Variants in C8orf34 observed in about 807,000 individuals in gnomAD.
C8orf34 encodes the protein chromosome 8 open reading frame 34, also known as uncharacterized protein C8orf34.
In C8orf34, 65 loss-of-function variants were observed where a neutral mutation model predicts 68.3. The observed-to-expected ratio is 0.95, with a 90% CI of 0.78 to 1.17. The LOEUF (loss-of-function observed/expected upper bound fraction) is 1.17. Among genes scored for constraint, C8orf34 ranks in the 50% most tolerant of loss-of-function variants. The pLI is 0.00. For synonymous variants in C8orf34, 244 were observed against 241.2 expected, an observed-to-expected ratio of 1.01 and a Z score of -0.11; for missense variants, 664 against 655.4, an observed-to-expected ratio of 1.01 and a Z score of -0.14.
At chr8:68,350,889 C>G (rs896642781) in intron 1 of C8orf34, among the ~76,000 whole-genome samples, 1 of 151,864 alleles carries the variant, frequency 6.6e-6, no homozygotes, top group African/African-American at 2.4e-5. Context: ...GACAGTATAC[C>G]GTTAGGTCTT....
intron 5 of C8orf34, among the ~76,000 whole-genome samples, chr8:68,510,395 T>C (rs893343876): frequency 5.3e-5 from 8 of 152,186 alleles, no homozygotes; most frequent in Non-Finnish European, 1.2e-4. Context: ...TCCCATCACC[T>C]GGCAGGATTT....
intron 3 of C8orf34, among the ~76,000 whole-genome samples, chr8:68,462,265 A>T (rs1343750081): frequency 1.3e-5 from 2 of 152,208 alleles, no homozygotes; most frequent in South Asian, 4.1e-4. Context: ...TATGCACCCA[A>T]TACAGGAACA....
chr8:68,411,792 G>T (rs187772199), intron 1 of C8orf34, among the ~76,000 whole-genome samples: 1 of 152,276 alleles, frequency 6.6e-6, no homozygotes, highest in Admixed American at 6.5e-5. Context: ...AAATTATACA[G>T]ATTTTTTTCT....
At chr8:68,720,005 A>G (rs1821624692) in intron 9 of C8orf34, among the ~76,000 whole-genome samples, 1 of 151,928 alleles carries the variant, frequency 6.6e-6, no homozygotes, top group South Asian at 2.1e-4. Flanking sequence ...CAGCTTTACA[A>G]TTGGGTTTTG....
At chr8:68,676,642 G>A (rs1435369202) in intron 8 of C8orf34, among the ~76,000 whole-genome samples, 1 of 152,122 alleles carries the variant, frequency 6.6e-6, no homozygotes, top group Non-Finnish European at 1.5e-5. Flanking sequence ...TCAGTTCAAG[G>A]ATAGACATAT....
At chr8:68,485,456 A>G (rs1305152860) in intron 4 of C8orf34, among the ~76,000 whole-genome samples, 1 of 152,048 alleles carries the variant, frequency 6.6e-6, no homozygotes, top group East Asian at 1.9e-4. Context: ...ACTCACCGCT[A>G]TAATCCCAGC....
intron 1 of C8orf34, among the ~76,000 whole-genome samples, chr8:68,408,862 C>G (rs1809319898): frequency 6.6e-6 from 1 of 152,236 alleles, no homozygotes; most frequent in East Asian, 1.9e-4. Flanking sequence ...AATCTCGGTT[C>G]ACTGCAACTT....
At chr8:68,383,670 C>A (rs1412027450) in intron 1 of C8orf34, among the ~76,000 whole-genome samples, 1 of 152,046 alleles carries the variant, frequency 6.6e-6, no homozygotes, top group African/African-American at 2.4e-5. Flanking sequence ...AATAGTGCAC[C>A]CTTCTGGAAA....
intron 10 of C8orf34, among the ~76,000 whole-genome samples, chr8:68,741,646 C>A (rs1046813841): frequency 1.3e-5 from 2 of 152,112 alleles, no homozygotes; most frequent in Non-Finnish European, 2.9e-5. Context: ...CTCTGGCAAC[C>A]ATCCTTCAAC....
At chr8:68,564,904 C>T (rs1403290386) in intron 7 of C8orf34, among the ~76,000 whole-genome samples, 1 of 152,098 alleles carries the variant, frequency 6.6e-6, no homozygotes, top group East Asian at 1.9e-4. Context: ...GGGTATCCTC[C>T]CTCTGCCCAC....
At chr8:68,526,709 G>T (rs548236447) in intron 6 of C8orf34, among the ~76,000 whole-genome samples, 4 of 144,082 alleles carry the variant, frequency 2.8e-5, no homozygotes, top group South Asian at 2.2e-4. Context: ...AAGGACACAG[G>T]TTCAGCCTAC....
chr8:68,799,859 G>A (rs1416415020), intron 12 of C8orf34, among the ~76,000 whole-genome samples: 1 of 152,126 alleles, frequency 6.6e-6, no homozygotes, highest in East Asian at 1.9e-4. Context: ...ATCTTCATGA[G>A]GCAAATGGTG....
At chr8:68,711,999 C>T (rs1214674643) in intron 9 of C8orf34, among the ~76,000 whole-genome samples, 1 of 152,102 alleles carries the variant, frequency 6.6e-6, no homozygotes, top group East Asian at 1.9e-4. Flanking sequence ...CAGCAGAAAC[C>T]CTACAACCCA....
chr8:68,748,655 A>G (rs1396123587), intron 10 of C8orf34, among the ~76,000 whole-genome samples: 1 of 152,144 alleles, frequency 6.6e-6, no homozygotes, highest in Admixed American at 6.5e-5. Flanking sequence ...ATCACTGGCC[A>G]TCAGAGAAAT....
At chr8:68,780,477 A>G (rs564380992) in intron 11 of C8orf34, among the ~76,000 whole-genome samples, 2 of 152,332 alleles carry the variant, frequency 1.3e-5, no homozygotes, top group South Asian at 4.1e-4. Flanking sequence ...TTTACTTTGT[A>G]ATGTTTTTCA....
chr8:68,389,511 GCA>G (rs1808394676), intron 1 of C8orf34, among the ~76,000 whole-genome samples: 1 of 152,106 alleles, frequency 6.6e-6, no homozygotes, highest in Non-Finnish European at 1.5e-5. Flanking sequence ...TTACTTATGG[GCA>G]CATTTTAAGC....
At chr8:68,622,069 A>T (rs1400411381) in intron 7 of C8orf34, among the ~76,000 whole-genome samples, 1 of 152,230 alleles carries the variant, frequency 6.6e-6, no homozygotes, top group East Asian at 1.9e-4. Context: ...AGTTGTTGAC[A>T]GAATTCAGTT....
chr8:68,405,990 AC>A (rs1362870443), intron 1 of C8orf34, among the ~76,000 whole-genome samples: 2 of 152,202 alleles, frequency 1.3e-5, no homozygotes, highest in African/African-American at 4.8e-5. Context: ...ACATTCAAAA[AC>A]CATGTCGCCA....
chr8:68,709,875 T>A (rs765693860), intron 9 of C8orf34, among the ~76,000 whole-genome samples: 2 of 152,136 alleles, frequency 1.3e-5, no homozygotes, highest in Non-Finnish European at 2.9e-5. Flanking sequence ...CCATCTAAGG[T>A]ACATCACGTC....
Sources: gnomAD v4.1 joint callset for allele counts (sites outside exome capture counted in the v4.1 genomes callset) on GRCh38, gnomAD v4.1.1 for gene constraint, MANE v1.5 for transcripts, NCBI Gene and HGNC (gene_info 2026-07-23, HGNC 2026-07-21) for gene names.